Variants in DCHS2 observed in about 807,000 individuals in gnomAD.
DCHS2 encodes the protein dachsous cadherin-related 2, also known as protocadherin-23.
In DCHS2, 142 loss-of-function variants were observed where a neutral mutation model predicts 182.4. The ratio of observed to expected loss-of-function variants is 0.78; its 90% CI spans 0.68 to 0.89. DCHS2 has a LOEUF of 0.89. Among genes scored for constraint, DCHS2 ranks in the 40% least tolerant of loss-of-function variants. The pLI, the probability that DCHS2 is intolerant of heterozygous loss-of-function variation, is 0.00. For missense variants in DCHS2, 4,319 were observed against 4,198.6 expected (o/e 1.03, Z -0.79); for synonymous variants, 1,740 against 1,663.3 (o/e 1.05, Z -1.12).
chr4:154,429,920 C>A (rs1733490530), intron 1 of DCHS2, among the ~76,000 whole-genome samples: 1 of 152,036 alleles, frequency 6.6e-6, no homozygotes. Context: ...TCCACATCTG[C>A]AAAATATGGG....
At chr4:154,312,293 C>A (rs1735698834) in intron 10 of DCHS2, among the ~76,000 whole-genome samples, 1 of 152,202 alleles carries the variant, frequency 6.6e-6, no homozygotes, top group South Asian at 2.1e-4. Context: ...CTATGGATCT[C>A]CTTATGTGCC....
chr4:154,297,534 A>G (rs1734981012), intron 13 of DCHS2, among the ~76,000 whole-genome samples: 1 of 152,252 alleles, frequency 6.6e-6, no homozygotes, highest in African/African-American at 2.4e-5. Context: ...CAACTCTGAC[A>G]AGAGGTCAGG....
intron 18 of DCHS2, 50 bp downstream of exon 18, chr4:154,240,487 T>A (rs1731759467): frequency 6.3e-7 from 1 of 1,588,396 alleles, no homozygotes. Flanking sequence ...CATTATTCTC[T>A]ATTCTTTCTA....
At chr4:154,311,387 A>G (rs546917392) in intron 10 of DCHS2, among the ~76,000 whole-genome samples, 1 of 150,022 alleles carries the variant, frequency 6.7e-6, no homozygotes, top group South Asian at 2.2e-4. Flanking sequence ...GCATGCCACC[A>G]TACCCAACAA....
At chr4:154,275,571 C>G (rs1733817026) in intron 13 of DCHS2, among the ~76,000 whole-genome samples, 1 of 151,958 alleles carries the variant, frequency 6.6e-6, no homozygotes, top group Non-Finnish European at 1.5e-5. Flanking sequence ...AGGAATATGC[C>G]TTTACAGTAG....
chr4:154,491,602 C>G lies in DCHS2; in HGVS notation c.-247G>C. 7.5e-7 allele frequency: 1 copy of G among 1,336,268 alleles called. No homozygotes were observed. The highest frequency in any genetic ancestry group is 9.5e-7 in the Non-Finnish European group (1 of 1,050,624). 82.8% of individuals were successfully genotyped at this position (1,336,268 alleles called of 1,614,324 possible). A position where few individuals can be genotyped will look rare whatever the true frequency, so the allele number is the denominator to read the frequency against. ...GCCGCGGCAGCCACCTCTTCTGCCC[C>G]TGGATTTCTTTAAACGAATCTCATC... On this transcript the variant is annotated 5_prime_UTR_variant, in exon 1 of 20. Coordinates refer to ENST00000357232, the MANE Select transcript of DCHS2 (RefSeq NM_001358235.2).
At chr4:154,311,864 T>C (rs114500090) in intron 10 of DCHS2, among the ~76,000 whole-genome samples, 5,722 of 152,180 alleles carry the variant, frequency 0.038, 147 homozygotes, top group Middle Eastern at 0.058. Flanking sequence ...ACAATTATAA[T>C]ACTATATATT....
At chr4:154,251,019 A>G (rs1018989178) in intron 16 of DCHS2, among the ~76,000 whole-genome samples, 4 of 152,162 alleles carry the variant, frequency 2.6e-5, no homozygotes, top group African/African-American at 9.7e-5. Context: ...TTGGCCCCAA[A>G]TCCTTTTTAT....
intron 11 of DCHS2, 68 bp from the exon 12 acceptor site, chr4:154,304,946 C>T: frequency 6.6e-7 from 1 of 1,525,372 alleles, no homozygotes; most frequent in Non-Finnish European, 8.8e-7. Flanking sequence ...GTTGTTCTAA[C>T]TAGACAATGT....
intron 1 of DCHS2, among the ~76,000 whole-genome samples, chr4:154,377,941 C>A (rs564947161): frequency 1.3e-5 from 2 of 152,084 alleles, no homozygotes; most frequent in Non-Finnish European, 2.9e-5. Context: ...TACTAGAAAC[C>A]CAATCCCAGT....
chr4:154,244,708 T>G (rs1402919707), intron 16 of DCHS2, among the ~76,000 whole-genome samples: 1 of 152,200 alleles, frequency 6.6e-6, no homozygotes, highest in Non-Finnish European at 1.5e-5. Flanking sequence ...TATCTACTAT[T>G]CATGAAGAAC....
At chr4:154,459,734 TTCTCTCTCTCTCTCTCTCTC>T (rs60259256) in intron 1 of DCHS2, among the ~76,000 whole-genome samples, 7,988 of 135,334 alleles carry the variant, frequency 0.059, 350 homozygotes, top group Non-Finnish European at 0.079. Context: ...TATCTACACA[TTCTCTCTCTCTCTCTCTCTC>T]TCTCTCTCTC....
At position 154,233,605 on chromosome 4, in the gene DCHS2, A is replaced by C. The variant is rs140665891; in HGVS notation, c.*931T>G. 5.7e-3 allele frequency: 870 copies of C among 152,218 alleles called. 16 individuals carry two copies. The highest frequency in any genetic ancestry group is 0.02 in the African/African-American group (848 of 41,478). The allele number at this position is 152,218 out of a possible 1,614,324, so 9.4% of individuals were successfully genotyped here. On this transcript the variant is annotated 3_prime_UTR_variant, in exon 20 of 20. Transcript: ENST00000357232. ...AAAACTGACATTGAGTGGATAAATT[A>C]TTTCACACAAAAAAGTTACTGTATC...
Position 154,240,665 on chromosome 4 carries a change from C to T in DCHS2, c.7231G>A (p.Glu2411Lys). The T allele has an allele frequency of 6.2e-7, 1 of 1,613,928 alleles. No individual in the cohort carries two copies. The highest frequency in any genetic ancestry group is 8.5e-7 in the Non-Finnish European group (1 of 1,179,922). The change falls in exon 18 of 20, where the codon GAA becomes AAA. Residue 2411 changes from glutamate to lysine, a missense_variant. Glu to Lys is a moderately conservative substitution (Grantham distance 56, BLOSUM62 1). Coordinates refer to ENST00000357232, the MANE Select transcript of DCHS2 (RefSeq NM_001358235.2). The stretch of plus-strand genomic sequence containing the variant: ...AGCAGCTCATATTCAGTCATTTCTT[C>T]AAAATCCAATGTTTTCACCAACACC... ...VVVLVKTLDF[E>K]EMTEYELLIQ... is the part of the protein sequence containing the mutation.
At chr4:154,377,491 A>G (rs75194430) in intron 1 of DCHS2, 47 bp from the exon 2 acceptor site, 72,515 of 1,460,728 alleles carry the variant, frequency 0.05, 2,060 homozygotes, top group Non-Finnish European at 0.059. Flanking sequence ...TGCTAGCATT[A>G]CTTTTCAGTC....
At position 154,298,363 on chromosome 4, in the gene DCHS2, G is replaced by A. The variant is rs768898698; in HGVS notation, c.5951C>T (p.Pro1984Leu). The A allele has an allele frequency of 6.2e-7, 1 of 1,614,168 alleles. No individual in the cohort carries two copies. Among genetic ancestry groups the A allele is most frequent in the Non-Finnish European group, 8.5e-7 (1 of 1,180,030 alleles). ...GCTGGTTTTCAATGTGCCTGACATA[G>A]GATCAATGGTGAATGCACCAGAAGC... is the stretch of plus-strand genomic sequence containing the variant. The part of the protein sequence containing the change: ...DEASGAFTID[P>L]MSGTLKTSNT... The change falls in exon 13 of 20, where the codon CCT (proline) becomes CTT (leucine). Residue 1984 changes from proline to leucine, a missense_variant. Pro to Leu is a moderately conservative substitution (Grantham distance 98). Transcript: ENST00000357232.
At chr4:154,311,030 T>G (rs1475301900) in intron 10 of DCHS2, among the ~76,000 whole-genome samples, 1 of 143,524 alleles carries the variant, frequency 7.0e-6, no homozygotes, top group Non-Finnish European at 1.6e-5. Context: ...CTAAAATATT[T>G]ACTATCTGGT....
chr4:154,365,517 C>G (rs1730306751), intron 3 of DCHS2, among the ~76,000 whole-genome samples: 1 of 151,836 alleles, frequency 6.6e-6, no homozygotes, highest in South Asian at 2.1e-4. Context: ...GTCACTCAGG[C>G]TGGAGGACAG....
At chr4:154,440,737 T>C (rs1733974742) in intron 1 of DCHS2, among the ~76,000 whole-genome samples, 1 of 152,194 alleles carries the variant, frequency 6.6e-6, no homozygotes, top group South Asian at 2.1e-4. Context: ...AATGTTATGT[T>C]GTACCCTTCT....
Sources: gnomAD v4.1 joint callset for allele counts (sites outside exome capture counted in the v4.1 genomes callset) on GRCh38, gnomAD v4.1.1 for gene constraint, MANE v1.5 for transcripts, NCBI Gene and HGNC (gene_info 2026-07-23, HGNC 2026-07-21) for gene names.